The following KAZN variants were observed in gnomAD, a reference collection of about 807,000 sequenced individuals.
KAZN encodes the protein kazrin, periplakin interacting protein, also known as kazrin.
Under a neutral mutation model 87.4 loss-of-function variants are expected in KAZN, and 40 were observed. The ratio of observed to expected loss-of-function variants is 0.46; its 90% CI spans 0.36 to 0.60. The LOEUF (loss-of-function observed/expected upper bound fraction) is 0.60. Ranked by LOEUF, KAZN falls within the 20% of genes least tolerant of loss-of-function variation. The pLI, the probability that KAZN is intolerant of heterozygous loss-of-function variation, is 0.00. For synonymous variants in KAZN, 466 were observed against 458.3 expected, an observed-to-expected ratio of 1.02 and a Z score of -0.22; for missense variants, 898 against 1,073.9, an observed-to-expected ratio of 0.84 and a Z score of 2.29.
At chr1:14,583,889 G>C (rs1263294340) in intron 2 of KAZN, among the ~76,000 whole-genome samples, 1 of 152,152 alleles carries the variant, frequency 6.6e-6, no homozygotes, top group African/African-American at 2.4e-5. Context: ...AAGTTGTGCA[G>C]CTCACCTAAA....
At chr1:14,203,952 T>C (rs1051066750) in intron 2 of KAZN, among the ~76,000 whole-genome samples, 12 of 152,200 alleles carry the variant, frequency 7.9e-5, no homozygotes, top group Non-Finnish European at 1.2e-4. Context: ...CTGCACTGCC[T>C]CCACAACAGA....
chr1:14,006,347 G>A (rs899832801), intron 1 of KAZN, among the ~76,000 whole-genome samples: 10 of 152,156 alleles, frequency 6.6e-5, no homozygotes, highest in Admixed American at 4.6e-4. Flanking sequence ...TCCTCAGGAA[G>A]CTTTTACTCA....
At chr1:15,020,872 C>T (rs1034163976) in intron 2 of KAZN, among the ~76,000 whole-genome samples, 6 of 152,124 alleles carry the variant, frequency 3.9e-5, no homozygotes, top group South Asian at 2.1e-4. Flanking sequence ...CTCTAAGGAG[C>T]GGCAGAGCTG....
At chr1:14,832,158 T>G (rs1330221579) in intron 1 of KAZN, among the ~76,000 whole-genome samples, 1 of 149,846 alleles carries the variant, frequency 6.7e-6, no homozygotes, top group Non-Finnish European at 1.5e-5. Flanking sequence ...ATCGCACCAT[T>G]GCGCTCCAGC....
At chr1:14,439,057 C>A (rs1666556699) in intron 2 of KAZN, among the ~76,000 whole-genome samples, 1 of 152,206 alleles carries the variant, frequency 6.6e-6, no homozygotes, top group Non-Finnish European at 1.5e-5. Flanking sequence ...CTCTTACAGC[C>A]AACTGTCTAC....
chr1:14,338,399 C>T (rs1184854156), intron 2 of KAZN, among the ~76,000 whole-genome samples: 5 of 150,300 alleles, frequency 3.3e-5, no homozygotes, highest in South Asian at 2.1e-4. Flanking sequence ...GCAGGAGAAT[C>T]GCTGGAACTT....
intron 2 of KAZN, among the ~76,000 whole-genome samples, chr1:15,017,157 G>C (rs1467058535): frequency 2.0e-5 from 3 of 151,860 alleles, no homozygotes; most frequent in Admixed American, 6.6e-5. Flanking sequence ...AATTAGCCAG[G>C]CTTGGTGGCT....
chr1:14,393,026 G>A (rs1662587431), intron 2 of KAZN, among the ~76,000 whole-genome samples: 1 of 152,192 alleles, frequency 6.6e-6, no homozygotes. Context: ...GGGAAAGACA[G>A]CATTCTGCAG....
At chr1:15,026,231 CT>C (rs1379561767) in intron 2 of KAZN, among the ~76,000 whole-genome samples, 2 of 152,100 alleles carry the variant, frequency 1.3e-5, no homozygotes, top group East Asian at 3.9e-4. Context: ...CCACGGGGAG[CT>C]GGAAGATAGG....
intron 2 of KAZN, among the ~76,000 whole-genome samples, chr1:14,331,628 G>A (rs1310696458): frequency 6.6e-6 from 1 of 152,054 alleles, no homozygotes; most frequent in African/African-American, 2.4e-5. Flanking sequence ...CTATAAAGGG[G>A]CCTCTTTTAT....
At chr1:14,460,809 G>A (rs1381120722) in intron 2 of KAZN, among the ~76,000 whole-genome samples, 1 of 152,166 alleles carries the variant, frequency 6.6e-6, no homozygotes, top group Non-Finnish European at 1.5e-5. Context: ...TTCACCAAGA[G>A]CATTTTAGCA....
At chr1:13,896,122 C>T (rs554179286) in intron 1 of KAZN, among the ~76,000 whole-genome samples, 40 of 151,828 alleles carry the variant, frequency 2.6e-4, no homozygotes, top group African/African-American at 8.7e-4. Context: ...CTCCTGCTAC[C>T]TATGCTGGTC....
chr1:14,388,938 C>T (rs1006742923), intron 2 of KAZN, among the ~76,000 whole-genome samples: 1 of 151,972 alleles, frequency 6.6e-6, no homozygotes, highest in African/African-American at 2.4e-5. Context: ...TAAAATATTT[C>T]AAACTACCCA....
intron 2 of KAZN, among the ~76,000 whole-genome samples, chr1:14,212,727 C>T (rs1391781821): frequency 6.6e-6 from 1 of 152,138 alleles, no homozygotes; most frequent in African/African-American, 2.4e-5. Flanking sequence ...TATTTCTAAC[C>T]TCCCACCTCC....
chr1:14,902,052 A>C (rs566008325), intron 1 of KAZN, among the ~76,000 whole-genome samples: 1 of 152,152 alleles, frequency 6.6e-6, no homozygotes, highest in Non-Finnish European at 1.5e-5. Flanking sequence ...GGCACGTTAA[A>C]GACACAGGCA....
At chr1:14,620,324 A>G (rs1263534402) in intron 1 of KAZN, among the ~76,000 whole-genome samples, 1 of 152,260 alleles carries the variant, frequency 6.6e-6, no homozygotes, top group African/African-American at 2.4e-5. Flanking sequence ...AGTTGTTGAG[A>G]GTATTCAATG....
In KAZN at chr1:13,983,215, G is replaced by A. The variant is rs12121969; in HGVS notation, c.91+89459G>A. Among the ~76,000 whole-genome samples, 538 of 152,304 alleles carry A rather than the reference G, an allele frequency of 3.5e-3. 2 individuals carry two copies. The highest frequency in any genetic ancestry group is 0.012 in the African/African-American group (502 of 41,560). On this transcript the variant is annotated intron_variant, in intron 1 of 16. Transcript: ENST00000636203. ...GGGACTGGGTGCCGTGGAGCAAGGGGTGGCGCTCGTGGAGGAGGCTCGGGG... is the reference window on the plus strand; with the variant it reads ...GGGACTGGGTGCCGTGGAGCAAGGGATGGCGCTCGTGGAGGAGGCTCGGGG...
intron 1 of KAZN, among the ~76,000 whole-genome samples, chr1:13,905,769 AT>A (rs1023170799): frequency 5.9e-5 from 9 of 151,750 alleles, no homozygotes; most frequent in Admixed American, 3.9e-4. Flanking sequence ...CAGTTTTGTA[AT>A]TTTTTTTTGT....
chr1:13,946,772 T>A (rs76167648), intron 1 of KAZN, among the ~76,000 whole-genome samples: 2 of 124,260 alleles, frequency 1.6e-5, no homozygotes, highest in African/African-American at 5.9e-5. Context: ...TCCGTAACCC[T>A]ACTTCCTAGC....
Sources: allele counts gnomAD v4.1 joint callset (sites outside exome capture counted in the v4.1 genomes callset), GRCh38; gene constraint gnomAD v4.1.1; transcripts MANE v1.5; gene names NCBI Gene and HGNC (gene_info 2026-07-23, HGNC 2026-07-21).